The following CDH17 variants were observed in gnomAD, a reference collection of about 807,000 sequenced individuals.
The protein encoded by CDH17 is cadherin-17.
A neutral mutation model predicts 86.3 loss-of-function variants in CDH17; 67 were observed. The observed-to-expected ratio is 0.78, with a 90% CI of 0.64 to 0.95. The LOEUF (loss-of-function observed/expected upper bound fraction) is 0.95, where lower values mean the gene tolerates loss of function less well. Ranked by LOEUF, CDH17 falls within the 40% of genes least tolerant of loss-of-function variation. The pLI is 0.00. For synonymous variants in CDH17, 367 were observed against 366.4 expected, an observed-to-expected ratio of 1.00 and a Z score of -0.02; for missense variants, 993 against 1,017.6, an observed-to-expected ratio of 0.98 and a Z score of 0.33.
intron 10 of CDH17, among the ~76,000 whole-genome samples, chr8:94,164,252 C>T (rs1478690031): frequency 1.3e-5 from 2 of 152,160 alleles, no homozygotes; most frequent in South Asian, 4.2e-4. Context: ...AAAGCAGTAC[C>T]TGTTCTCTCC....
chr8:94,194,270 T>C (rs1015068185), intron 2 of CDH17, among the ~76,000 whole-genome samples: 5 of 152,198 alleles, frequency 3.3e-5, no homozygotes, highest in African/African-American at 4.8e-5. Context: ...TAAGTTTTCA[T>C]GCGCAAAGTT....
chr8:94,215,755 G>A (rs1343365289), intron 1 of CDH17, among the ~76,000 whole-genome samples: 1 of 151,864 alleles, frequency 6.6e-6, no homozygotes, highest in Non-Finnish European at 1.5e-5. Flanking sequence ...CAAAACATAG[G>A]CTAAACATTT....
intron 12 of CDH17, among the ~76,000 whole-genome samples, chr8:94,155,481 C>G (rs1727124778): frequency 6.6e-6 from 1 of 152,130 alleles, no homozygotes; most frequent in Admixed American, 6.5e-5. Flanking sequence ...TCCATATGCT[C>G]AGACAGAGCA....
At chr8:94,216,557 G>T (rs1325683217) in intron 1 of CDH17, among the ~76,000 whole-genome samples, 1 of 78,878 alleles carries the variant, frequency 1.3e-5, no homozygotes. Context: ...GGGCTCCAGA[G>T]GGTTTGTTTT....
At chr8:94,203,971 A>T (rs1813973334) in intron 1 of CDH17, among the ~76,000 whole-genome samples, 1 of 152,164 alleles carries the variant, frequency 6.6e-6, no homozygotes, top group Non-Finnish European at 1.5e-5. Context: ...GCAAAATTAG[A>T]GGTGATGATT....
intron 12 of CDH17, among the ~76,000 whole-genome samples, chr8:94,155,095 A>G (rs775132724): frequency 6.6e-6 from 1 of 152,120 alleles, no homozygotes; most frequent in Non-Finnish European, 1.5e-5. Flanking sequence ...AATTTGTTCA[A>G]ATATATAAGA....
At chr8:94,207,630 T>C (rs1399025582) in intron 1 of CDH17, among the ~76,000 whole-genome samples, 1 of 152,232 alleles carries the variant, frequency 6.6e-6, no homozygotes, top group Non-Finnish European at 1.5e-5. Context: ...TAATGCCTCA[T>C]TTGCTATTTA....
At chr8:94,203,351 T>C (rs1312088701) in intron 1 of CDH17, among the ~76,000 whole-genome samples, 2 of 152,226 alleles carry the variant, frequency 1.3e-5, no homozygotes, top group African/African-American at 4.8e-5. Context: ...CTACAGAATT[T>C]GTTTTCAAAT....
At position 94,191,778 on chromosome 8, in the gene CDH17, A is replaced by G. The variant is rs184007335; in HGVS notation, c.52-2493T>C. On this transcript the variant is annotated intron_variant, in intron 2 of 17. Transcript: ENST00000027335. ...CAAGAAAATGCATCCTTAACTCACA[A>G]AGTAATGTTGCCAGACTTCTAGCCC... is the stretch of plus-strand genomic sequence containing the variant. Among the ~76,000 whole-genome samples, 439 of 152,256 alleles carry G rather than the reference A, an allele frequency of 2.9e-3. 3 individuals are homozygous for G. Among genetic ancestry groups the G allele is most frequent in the African/African-American group, 0.01 (422 of 41,556 alleles).
intron 1 of CDH17, among the ~76,000 whole-genome samples, chr8:94,214,124 T>A (rs1198636330): frequency 6.6e-6 from 1 of 152,238 alleles, no homozygotes; most frequent in Non-Finnish European, 1.5e-5. Context: ...CATAGTGAAC[T>A]GTACTGTTTT....
chr8:94,187,402 G>A (rs1586271235), intron 3 of CDH17, among the ~76,000 whole-genome samples: 1 of 152,266 alleles, frequency 6.6e-6, no homozygotes, highest in East Asian at 1.9e-4. Flanking sequence ...ATGGAGTCGG[G>A]GTCATCCCAT....
intron 15 of CDH17, among the ~76,000 whole-genome samples, chr8:94,132,723 A>C (rs1812443704): frequency 6.6e-6 from 1 of 152,136 alleles, no homozygotes; most frequent in Non-Finnish European, 1.5e-5. Context: ...TTGGTGTTTT[A>C]GTCATGAAGT....
At chr8:94,158,634 C>G (rs1383763056) in intron 12 of CDH17, among the ~76,000 whole-genome samples, 1 of 152,180 alleles carries the variant, frequency 6.6e-6, no homozygotes, top group East Asian at 1.9e-4. Flanking sequence ...GGTATTCTCT[C>G]TCCATGCAGA....
At chr8:94,137,236 C>T (rs1033603357) in intron 15 of CDH17, among the ~76,000 whole-genome samples, 2 of 152,188 alleles carry the variant, frequency 1.3e-5, no homozygotes, top group Admixed American at 6.5e-5. Flanking sequence ...TTCAGCTATG[C>T]CCTGTCCATA....
intron 1 of CDH17, among the ~76,000 whole-genome samples, chr8:94,200,909 G>A (rs1338684979): frequency 6.6e-6 from 1 of 152,150 alleles, no homozygotes; most frequent in Non-Finnish European, 1.5e-5. Flanking sequence ...CTATGGAGCA[G>A]ATGCTATTAT....
In CDH17 at chr8:94,134,854, G is replaced by A. The variant is rs576742013; in HGVS notation, c.2168-3862C>T. Among the ~76,000 whole-genome samples, 8 of 152,296 alleles carry A rather than the reference G, an allele frequency of 5.3e-5. No homozygotes were observed. In the East Asian group the frequency reaches 7.7e-4, roughly 15 times the overall value. On this transcript the variant is annotated intron_variant, in intron 15 of 17. Coordinates refer to ENST00000027335, the MANE Select transcript of CDH17 (RefSeq NM_004063.4). Reference sequence around the variant, plus strand: ...AAATGTGTCCCAGAGATTCTGGTACGTTGTGTGTTTGTTCTCATTGGTTTC... The same window carrying A: ...AAATGTGTCCCAGAGATTCTGGTACATTGTGTGTTTGTTCTCATTGGTTTC...
At chr8:94,146,669 G>T (rs1162247794) in intron 14 of CDH17, among the ~76,000 whole-genome samples, 1 of 152,214 alleles carries the variant, frequency 6.6e-6, no homozygotes, top group African/African-American at 2.4e-5. Context: ...ATAACTGGTT[G>T]GTAGCTATGT....
chr8:94,160,087 C>T lies in CDH17; in HGVS notation c.1435G>A (p.Glu479Lys). The change falls in exon 12 of 18, where the codon GAG (glutamate) becomes AAG (lysine). Residue 479 changes from glutamate to lysine, a missense_variant. Glu to Lys is a moderately conservative substitution (Grantham distance 56). Coordinates refer to ENST00000027335, the MANE Select transcript of CDH17 (RefSeq NM_004063.4). ...ATTTTAGAACTCCCAGTAAATGGCT[C>T]ATCAGCATCAGTGGCCTGGATGGTT... is the stretch of plus-strand genomic sequence containing the variant. ...ILTIQATDAD[E>K]PFTGSSKILY... 6.2e-7 allele frequency: 1 copy of T among 1,613,904 alleles called. No homozygotes were observed. Among genetic ancestry groups the T allele is most frequent in the African/African-American group, 1.3e-5 (1 of 75,026 alleles).
intron 13 of CDH17, among the ~76,000 whole-genome samples, chr8:94,150,145 T>C (rs1028134783): frequency 6.6e-6 from 1 of 152,258 alleles, no homozygotes; most frequent in African/African-American, 2.4e-5. Context: ...TTAGGTTATA[T>C]ACATGGGTAA....
Sources: gnomAD v4.1 joint callset for allele counts (sites outside exome capture counted in the v4.1 genomes callset) on GRCh38, gnomAD v4.1.1 for gene constraint, MANE v1.5 for transcripts, NCBI Gene and HGNC (gene_info 2026-07-23, HGNC 2026-07-21) for gene names.